The following CECR2 variants were observed in gnomAD, a reference collection of about 807,000 sequenced individuals.
CECR2 encodes the protein chromatin remodeling regulator CECR2.
In CECR2, 30 loss-of-function variants were observed where a neutral mutation model predicts 154.5. The observed-to-expected ratio is 0.19, with a 90% CI of 0.15 to 0.26. CECR2 has a LOEUF of 0.26. CECR2 is among the 10% of genes least tolerant of loss of function. The probability of loss-of-function intolerance (pLI) is 1.00; values close to 1 mark genes in which losing one functional copy is unlikely to be tolerated. For synonymous variants in CECR2, 725 were observed against 683.7 expected (o/e 1.06, Z -0.94); for missense variants, 1,743 against 1,829.3 (o/e 0.95, Z 0.86).
intron 2 of CECR2, among the ~76,000 whole-genome samples, chr22:17,480,681 T>A (rs1369435351): frequency 6.6e-6 from 1 of 152,162 alleles, no homozygotes; most frequent in African/African-American, 2.4e-5. Flanking sequence ...GAAAGAGAAA[T>A]TTGGATAAGT....
chr22:17,535,198 G>A (rs2056419951), intron 9 of CECR2, among the ~76,000 whole-genome samples: 1 of 151,856 alleles, frequency 6.6e-6, no homozygotes, highest in African/African-American at 2.4e-5. Context: ...GACCCCTGTA[G>A]TCCCAACTAC....
At chr22:17,392,638 T>C (rs1476157823) in intron 1 of CECR2, among the ~76,000 whole-genome samples, 4 of 151,862 alleles carry the variant, frequency 2.6e-5, no homozygotes, top group Non-Finnish European at 5.9e-5. Flanking sequence ...GCCGAAATTA[T>C]ACCACTGCAC....
chr22:17,376,872 G>A (rs576356408), intron 1 of CECR2, among the ~76,000 whole-genome samples: 1 of 152,056 alleles, frequency 6.6e-6, no homozygotes, highest in African/African-American at 2.4e-5. Flanking sequence ...TCCTGACCTC[G>A]TGATCCACCC....
intron 1 of CECR2, among the ~76,000 whole-genome samples, chr22:17,393,483 G>A (rs5747093): frequency 0.027 from 4,050 of 152,232 alleles, 75 homozygotes; most frequent in Non-Finnish European, 0.039. Flanking sequence ...AAACATTTGT[G>A]TGCAGGTTTT....
intron 8 of CECR2, among the ~76,000 whole-genome samples, chr22:17,521,841 A>T (rs1179403166): frequency 2.0e-5 from 3 of 152,170 alleles, no homozygotes; most frequent in Non-Finnish European, 2.9e-5. Context: ...CTATGTCCTG[A>T]ATGGTAATGC....
At chr22:17,528,286 A>C (rs1468128303) in intron 9 of CECR2, among the ~76,000 whole-genome samples, 2 of 152,192 alleles carry the variant, frequency 1.3e-5, no homozygotes, top group Non-Finnish European at 2.9e-5. Flanking sequence ...TTATTATTTT[A>C]AATGAAATAA....
intron 13 of CECR2, among the ~76,000 whole-genome samples, chr22:17,539,826 A>G (rs2056493675): frequency 6.6e-6 from 1 of 151,824 alleles, no homozygotes; most frequent in African/African-American, 2.4e-5. Context: ...TTTTACTGGC[A>G]TTTTTTTTCT....
At chr22:17,549,792 T>TTG (rs1555935231) in intron 17 of CECR2, among the ~76,000 whole-genome samples, 1 of 147,194 alleles carries the variant, frequency 6.8e-6, no homozygotes, top group African/African-American at 2.5e-5. Flanking sequence ...TGGTTTTTTT[T>TTG]TTTTTTTTTT....
chr22:17,548,857 A>G lies in CECR2; in HGVS notation c.3570A>G (p.Pro1190=), dbSNP rs2056658834. 2.5e-6 allele frequency: 4 copies of G among 1,613,180 alleles called. No homozygotes were observed. Among genetic ancestry groups the G allele is most frequent in the Non-Finnish European group, 3.4e-6 (4 of 1,179,556 alleles). The change falls in exon 17 of 19, where the codon CCA becomes CCG. Residue 1190 remains proline, a synonymous_variant. Transcript: ENST00000262608. ...QGMRYSYHPP[P]QPSYHHYQRT... ...TGAGGTATTCCTACCACCCACCGCC[A>G]CAGCCTTCCTACCACCACTATCAGC...
chr22:17,539,199 T>C, intron 13 of CECR2, 80 bp downstream of exon 13: 1 of 1,487,850 alleles, frequency 6.7e-7, no homozygotes, highest in Non-Finnish European at 9.2e-7. Flanking sequence ...ATACACATCC[T>C]AGTGCCTTTT....
chr22:17,553,551 T>G lies in CECR2; in HGVS notation c.*711T>G, dbSNP rs554765105. On this transcript the variant is annotated 3_prime_UTR_variant, in exon 19 of 19. Transcript: ENST00000262608. ...CCAGCCTTCAGAATAGCTAAAGGCC[T>G]TCCTTCCTTCCAGTCAGCCTGAGAG... 2 of 152,356 alleles carry G rather than the reference T, an allele frequency of 1.3e-5. No individual in the cohort carries two copies. Among genetic ancestry groups the G allele is most frequent in the Non-Finnish European group, 2.9e-5 (2 of 68,048 alleles). The allele number at this position is 152,356 out of a possible 1,614,324, so 9.4% of individuals were successfully genotyped here. A position where few individuals can be genotyped will look rare whatever the true frequency, so the allele number is the denominator to read the frequency against.
chr22:17,420,230 A>G (rs748740327), intron 1 of CECR2, among the ~76,000 whole-genome samples: 1 of 150,886 alleles, frequency 6.6e-6, no homozygotes, highest in Admixed American at 6.6e-5. Flanking sequence ...GTAATCTCCT[A>G]TCCTTTGGCA....
At chr22:17,454,291 C>A (rs1351306402) in intron 1 of CECR2, among the ~76,000 whole-genome samples, 2 of 147,200 alleles carry the variant, frequency 1.4e-5, no homozygotes, top group Non-Finnish European at 3.0e-5. Context: ...AGAGTGAGAC[C>A]CTGTCACAAA....
chr22:17,548,876 T>C lies in CECR2; in HGVS notation c.3589T>C (p.Tyr1197His), dbSNP rs377210122. 3.6e-5 allele frequency: 58 copies of C among 1,612,366 alleles called. No individual in the cohort carries two copies. In the African/African-American group the frequency reaches 7.2e-4, roughly 20 times the overall value. ...HPPPQPSYHH[Y>H]QRTPYYACPQ... ...ACCGCCACAGCCTTCCTACCACCACTATCAGCGAACTCCTTACTATGCCTG... is the reference window on the plus strand; with the variant it reads ...ACCGCCACAGCCTTCCTACCACCACCATCAGCGAACTCCTTACTATGCCTG... Residue 1197 changes from tyrosine to histidine, a missense_variant, in exon 17 of 19, where the codon TAT becomes CAT. By Grantham distance (83) the Tyr-to-His change is moderately conservative. Around this residue, in one of 4 missense-constraint regions of CECR2, gnomAD observed 1,250 missense variants for 1,192.1 expected, o/e 1.05. Coordinates refer to ENST00000262608, the MANE Select transcript of CECR2 (RefSeq NM_001290047.2).
chr22:17,548,279 A>C lies in CECR2; in HGVS notation c.2992A>C (p.Arg998=), dbSNP rs1247773849. ...DCTRQSSPQE[R]ETVGPELKSS... ...CACCAGGCAGAGCTCACCACAAGAA[A>C]GGGAAACAGTGGGCCCGGAGCTCAA... The change falls in exon 17 of 19, where the codon AGG becomes CGG. Residue 998 remains arginine (R), a synonymous_variant. Transcript: ENST00000262608. 6.2e-7 allele frequency: 1 copy of C among 1,607,900 alleles called. No homozygotes were observed. Among genetic ancestry groups the C allele is most frequent in the East Asian group, 2.2e-5 (1 of 44,580 alleles).
chr22:17,505,921 T>C (rs1009158486), intron 7 of CECR2, among the ~76,000 whole-genome samples: 23 of 147,002 alleles, frequency 1.6e-4, no homozygotes, highest in Admixed American at 2.8e-4. Context: ...CACAGCTCAC[T>C]GTAGCCTCGA....
intron 6 of CECR2, 72 bp downstream of exon 6, chr22:17,503,203 T>G (rs745733737): frequency 2.7e-5 from 38 of 1,382,200 alleles, no homozygotes; most frequent in Non-Finnish European, 3.8e-5. Flanking sequence ...GTTGACTCTT[T>G]TTCTAGAGTC....
In CECR2 at chr22:17,448,527, G is replaced by A. The variant is rs796985693; in HGVS notation, c.127-29061G>A. On this transcript the variant is annotated intron_variant, in intron 1 of 18. Coordinates refer to ENST00000262608, the MANE Select transcript of CECR2 (RefSeq NM_001290047.2). Reference sequence around the variant, plus strand: ...ATTTTTGCATTTATCTCATAGTATTGCTGAGGATTAATGAAATTGTTTACA... The same window carrying A: ...ATTTTTGCATTTATCTCATAGTATTACTGAGGATTAATGAAATTGTTTACA... Among the ~76,000 whole-genome samples the A allele has an allele frequency of 8.5e-5, 13 of 152,200 alleles. 1 individual carries two copies. Among genetic ancestry groups the A allele is most frequent in the African/African-American group, 2.6e-4 (11 of 41,522 alleles).
rs78283008 is a variant in CECR2, at chr22:17,492,732, G to C, written c.222-4671G>C. On this transcript the variant is annotated intron_variant, in intron 2 of 18. Coordinates refer to ENST00000262608, the MANE Select transcript of CECR2 (RefSeq NM_001290047.2). ...AGACCTTGTTGTTCTGAGAAATTCC[G>C]TTTGGTTTGATCTTTGCATTACTAT... is the stretch of plus-strand genomic sequence containing the variant. Among the ~76,000 whole-genome samples the C allele has an allele frequency of 8.5e-5, 13 of 152,212 alleles. No individual in the cohort carries two copies. In the South Asian group the frequency reaches 2.5e-3, roughly 29 times the overall value.
Sources: allele counts gnomAD v4.1 joint callset (sites outside exome capture counted in the v4.1 genomes callset), GRCh38; gene constraint gnomAD v4.1.1; regional missense constraint gnomAD v4.1.1; transcripts MANE v1.5; gene names NCBI Gene and HGNC (gene_info 2026-07-23, HGNC 2026-07-21).